Variants in WWOX observed in about 807,000 individuals in gnomAD.
WWOX encodes the protein WW domain-containing oxidoreductase.
Under a neutral mutation model 46.2 loss-of-function variants are expected in WWOX, and 69 were observed. That is an observed-to-expected ratio of 1.49 (90% CI 1.23 to 1.82). The LOEUF (loss-of-function observed/expected upper bound fraction) is 1.82. Among genes scored for constraint, WWOX ranks in the 40% most tolerant of loss-of-function variants. The pLI is 0.00. For synonymous variants in WWOX, 359 were observed against 202.6 expected, an observed-to-expected ratio of 1.77 and a Z score of -6.56; for missense variants, 919 against 542.6, an observed-to-expected ratio of 1.69 and a Z score of -6.89.
intron 8 of WWOX, among the ~76,000 whole-genome samples, chr16:78,948,009 A>C (rs2045981886): frequency 6.6e-6 from 1 of 152,114 alleles, no homozygotes; most frequent in South Asian, 2.1e-4. Flanking sequence ...CAGAGGGAGG[A>C]AGGGTGGGAC....
At chr16:78,809,499 A>G (rs961317164) in intron 8 of WWOX, among the ~76,000 whole-genome samples, 3 of 152,162 alleles carry the variant, frequency 2.0e-5, no homozygotes, top group African/African-American at 7.2e-5. Context: ...TACCCTGAGG[A>G]CTCTGCCAGC....
At chr16:78,485,883 G>T (rs2667577) in intron 8 of WWOX, among the ~76,000 whole-genome samples, 5 of 152,180 alleles carry the variant, frequency 3.3e-5, no homozygotes, top group African/African-American at 1.2e-4. Flanking sequence ...ATCACTTGGC[G>T]ACAAAGGCCT....
chr16:78,968,644 C>A (rs975623400), intron 8 of WWOX, among the ~76,000 whole-genome samples: 2 of 152,200 alleles, frequency 1.3e-5, no homozygotes, highest in African/African-American at 4.8e-5. Flanking sequence ...AAAGCACAAG[C>A]CCCAGCTGCC....
At chr16:78,735,947 C>T (rs368284388) in intron 8 of WWOX, among the ~76,000 whole-genome samples, 1 of 151,894 alleles carries the variant, frequency 6.6e-6, no homozygotes, top group Non-Finnish European at 1.5e-5. Context: ...GGTGGGCCTT[C>T]CCAATTTACC....
intron 7 of WWOX, among the ~76,000 whole-genome samples, chr16:78,431,397 C>T (rs2083213836): frequency 6.6e-6 from 1 of 152,018 alleles, no homozygotes; most frequent in Non-Finnish European, 1.5e-5. Flanking sequence ...GTCTTGGAGA[C>T]AACAAGACTC....
chr16:79,063,476 C>A (rs1396611744), intron 8 of WWOX, among the ~76,000 whole-genome samples: 1 of 152,158 alleles, frequency 6.6e-6, no homozygotes, highest in East Asian at 1.9e-4. Context: ...GACAAAATAA[C>A]TACAAAACAA....
rs188496186 is a variant in WWOX at position 78,512,173 on chromosome 16, C to T, written c.1056+79421C>T. 4.7e-3 allele frequency among the ~76,000 whole-genome samples: 715 copies of T among 152,100 alleles called. 4 individuals carry two copies. The highest frequency in any genetic ancestry group is 0.016 in the African/African-American group (671 of 41,494). On this transcript the variant is annotated intron_variant, in intron 8 of 8. Transcript: ENST00000566780. ...AAGTATAGCAGCCCTGTGGTGTTTC[C>T]TCAGAATGGTGTATTACAGAAAAGG... is the stretch of plus-strand genomic sequence containing the variant.
chr16:79,038,072 C>G (rs1391956791), intron 8 of WWOX, among the ~76,000 whole-genome samples: 2 of 152,170 alleles, frequency 1.3e-5, no homozygotes, highest in African/African-American at 4.8e-5. Flanking sequence ...GGCTTCCCTC[C>G]TCAACAATTA....
At chr16:78,753,934 G>A (rs2049566324) in intron 8 of WWOX, among the ~76,000 whole-genome samples, 1 of 144,068 alleles carries the variant, frequency 6.9e-6, no homozygotes, top group Non-Finnish European at 1.5e-5. Flanking sequence ...CTTTTAAGTG[G>A]CAGAAACAGG....
chr16:78,778,153 C>T (rs1038659917), intron 8 of WWOX, among the ~76,000 whole-genome samples: 1 of 152,020 alleles, frequency 6.6e-6, no homozygotes, highest in African/African-American at 2.4e-5. Context: ...ATCCCCACCC[C>T]AAGTCACACA....
chr16:79,018,009 T>G (rs1009398808), intron 8 of WWOX, among the ~76,000 whole-genome samples: 2 of 152,330 alleles, frequency 1.3e-5, no homozygotes, highest in Middle Eastern at 6.8e-3. Context: ...GTACTGGGGC[T>G]AAAGATTTGG....
At chr16:78,820,378 T>A (rs2051460992) in intron 8 of WWOX, among the ~76,000 whole-genome samples, 1 of 151,970 alleles carries the variant, frequency 6.6e-6, no homozygotes, top group Admixed American at 6.5e-5. Context: ...AATCGTGGAG[T>A]CAACGAAGAT....
At chr16:79,030,316 A>G (rs2047727810) in intron 8 of WWOX, among the ~76,000 whole-genome samples, 1 of 152,210 alleles carries the variant, frequency 6.6e-6, no homozygotes, top group South Asian at 2.1e-4. Context: ...TCCAGTGCGT[A>G]CGCAGATCTT....
intron 8 of WWOX, chr16:79,106,087 C>T (rs2049302392): frequency 6.6e-6 from 1 of 152,200 alleles, no homozygotes; most frequent in Admixed American, 6.5e-5. Context: ...GGATCAGCAG[C>T]ATCAGAATCA....
intron 5 of WWOX, among the ~76,000 whole-genome samples, chr16:78,347,126 T>A (rs1236569585): frequency 8.4e-6 from 1 of 119,208 alleles, no homozygotes; most frequent in African/African-American, 2.9e-5. Context: ...TTGACAGGTG[T>A]GCAGTCATCG....
At chr16:79,117,047 A>G (rs2049530755) in intron 8 of WWOX, among the ~76,000 whole-genome samples, 3 of 151,528 alleles carry the variant, frequency 2.0e-5, no homozygotes, top group South Asian at 4.2e-4. Flanking sequence ...GAATATTTTT[A>G]TTTTTTTTAT....
chr16:79,004,271 A>T (rs1272497471), intron 8 of WWOX: 1 of 152,164 alleles, frequency 6.6e-6, no homozygotes, highest in African/African-American at 2.4e-5. Context: ...ATGAATAAAA[A>T]CGCTTGGCAG....
chr16:78,855,544 A>C lies in WWOX; in HGVS notation c.1057-356064A>C, dbSNP rs1326495658. On this transcript the variant is annotated intron_variant, in intron 8 of 8. Coordinates refer to ENST00000566780, the MANE Select transcript of WWOX (RefSeq NM_016373.4). ...CAATTTGTAAATGTGGCAGACAATA[A>C]AATTTCCCCAAGCACTTTGATGATG... 5.9e-5 allele frequency among the ~76,000 whole-genome samples: 9 copies of C among 152,304 alleles called. No individual in the cohort carries two copies. In the South Asian group the frequency reaches 1.0e-3, roughly 18 times the overall value.
chr16:78,544,589 TTGAAAA>T (rs1754638480), intron 8 of WWOX, among the ~76,000 whole-genome samples: 1 of 152,162 alleles, frequency 6.6e-6, no homozygotes, highest in Non-Finnish European at 1.5e-5. Context: ...AATGAGATGA[TTGAAAA>T]TGAGATGTGG....
Sources: allele counts gnomAD v4.1 joint callset (sites outside exome capture counted in the v4.1 genomes callset), GRCh38; gene constraint gnomAD v4.1.1; transcripts MANE v1.5; gene names NCBI Gene and HGNC (gene_info 2026-07-23, HGNC 2026-07-21).